CYTH3: variants seen among roughly 807,000 people sequenced by gnomAD.
CYTH3 encodes the protein cytohesin 3.
CYTH3 carries 23 observed loss-of-function variants against 55.1 expected under a neutral mutation model. The ratio of observed to expected loss-of-function variants is 0.42; its 90% CI spans 0.30 to 0.59. The LOEUF (loss-of-function observed/expected upper bound fraction) is 0.59. CYTH3 is among the 20% of genes least tolerant of loss of function. CYTH3 has a pLI of 0.20. For missense variants in CYTH3, 413 were observed against 524.8 expected, an observed-to-expected ratio of 0.79 and a Z score of 2.08; for synonymous variants, 249 against 194.9, an observed-to-expected ratio of 1.28 and a Z score of -2.31.
chr7:6,173,016 C>G, intron 6 of CYTH3: 2 of 1,076,852 alleles, frequency 1.9e-6, no homozygotes, highest in Non-Finnish European at 2.3e-6. Flanking sequence ...GTCCAAGGGC[C>G]GGCTGAGGCG....
At chr7:6,243,722 C>T (rs576861276) in intron 1 of CYTH3, among the ~76,000 whole-genome samples, 1 of 152,156 alleles carries the variant, frequency 6.6e-6, no homozygotes, top group Non-Finnish European at 1.5e-5. Flanking sequence ...TATCAACTTA[C>T]CCAATGAATT....
intron 1 of CYTH3, among the ~76,000 whole-genome samples, chr7:6,261,184 G>A (rs1229532351): frequency 1.3e-5 from 2 of 152,072 alleles, no homozygotes; most frequent in East Asian, 1.9e-4. Flanking sequence ...TGAGGGATTC[G>A]CCAATTCACA....
intron 1 of CYTH3, among the ~76,000 whole-genome samples, chr7:6,265,422 C>T (rs111478150): frequency 0.14 from 21,745 of 151,216 alleles, 1,921 homozygotes; most frequent in South Asian, 0.19. Context: ...ACCAGCCTGG[C>T]CAATATGGTG....
chr7:6,233,655 CAAAAAAAA>C (rs557639314), intron 1 of CYTH3, among the ~76,000 whole-genome samples: 1 of 79,632 alleles, frequency 1.3e-5, no homozygotes, highest in African/African-American at 3.4e-5. Context: ...GACTCCATCT[CAAAAAAAA>C]AAAAAAAAAA....
intron 1 of CYTH3, among the ~76,000 whole-genome samples, chr7:6,271,183 AG>A (rs1780641952): frequency 6.6e-6 from 1 of 152,128 alleles, no homozygotes; most frequent in South Asian, 2.1e-4. Flanking sequence ...TCGGTGCCAC[AG>A]TGCTACCCCT....
In CYTH3 at chr7:6,164,757, G is replaced by A. The variant is rs571834169; in HGVS notation, c.*187C>T. ...GGAGCAGCAGCTTGCACTGCAGGGC[G>A]ACCACCTCCCAGGACCCCAGCCACG... On this transcript the variant is annotated 3_prime_UTR_variant, in exon 13 of 13. Coordinates refer to ENST00000350796, the MANE Select transcript of CYTH3 (RefSeq NM_004227.4). The A allele has an allele frequency of 2.9e-4, 203 of 693,084 alleles. 2 individuals are homozygous for A. Among genetic ancestry groups the A allele is most frequent in the African/African-American group, 2.9e-3 (164 of 56,170 alleles). The allele number at this position is 693,084 out of a possible 1,614,324, so 42.9% of individuals were successfully genotyped here. A position where few individuals can be genotyped will look rare whatever the true frequency, so the allele number is the denominator to read the frequency against.
chr7:6,193,578 G>C (rs1783853707), intron 1 of CYTH3, among the ~76,000 whole-genome samples: 1 of 152,176 alleles, frequency 6.6e-6, no homozygotes, highest in African/African-American at 2.4e-5. Flanking sequence ...CAGTGGCGTA[G>C]ACCAAGTAAC....
chr7:6,190,564 G>A (rs1323823475), intron 1 of CYTH3, 33 bp from the exon 2 acceptor site: 4 of 1,478,890 alleles, frequency 2.7e-6, no homozygotes, highest in Non-Finnish European at 3.6e-6. Flanking sequence ...AACTACTTTG[G>A]AGAACACATT....
chr7:6,229,943 T>C (rs1449538126), intron 1 of CYTH3, among the ~76,000 whole-genome samples: 2 of 152,094 alleles, frequency 1.3e-5, no homozygotes, highest in Non-Finnish European at 2.9e-5. Flanking sequence ...GAGACCAGCC[T>C]AGCCAACATG....
chr7:6,176,908 A>G (rs1389400346), intron 5 of CYTH3, among the ~76,000 whole-genome samples: 1 of 152,172 alleles, frequency 6.6e-6, no homozygotes, highest in Non-Finnish European at 1.5e-5. Flanking sequence ...TAGCTTTTTA[A>G]GTGTTTTTAT....
intron 1 of CYTH3, among the ~76,000 whole-genome samples, chr7:6,197,986 C>G (rs1207995831): frequency 4.0e-5 from 6 of 150,548 alleles, no homozygotes. Context: ...CCCGGGTACT[C>G]AAGAGGCTGA....
intron 4 of CYTH3, among the ~76,000 whole-genome samples, chr7:6,181,111 A>G (rs757022116): frequency 2.0e-4 from 30 of 152,310 alleles, no homozygotes; most frequent in South Asian, 6.2e-4. Context: ...ATTTTTATCT[A>G]TCAACATCTA....
At chr7:6,232,299 C>T (rs978815263) in intron 1 of CYTH3, among the ~76,000 whole-genome samples, 1 of 152,140 alleles carries the variant, frequency 6.6e-6, no homozygotes, top group African/African-American at 2.4e-5. Context: ...AGAAGCACCC[C>T]GGGACACACT....
chr7:6,231,762 A>C (rs1779395914), intron 1 of CYTH3, among the ~76,000 whole-genome samples: 1 of 152,168 alleles, frequency 6.6e-6, no homozygotes, highest in South Asian at 2.1e-4. Context: ...ATTATCCCCC[A>C]AGTGGGGATC....
At chr7:6,250,816 C>A (rs1016363416) in intron 1 of CYTH3, among the ~76,000 whole-genome samples, 1 of 152,126 alleles carries the variant, frequency 6.6e-6, no homozygotes. Flanking sequence ...AAAAGGATGA[C>A]TATAATGGCA....
chr7:6,212,146 T>A (rs1784333164), intron 1 of CYTH3, among the ~76,000 whole-genome samples: 2 of 152,206 alleles, frequency 1.3e-5, no homozygotes, highest in Admixed American at 1.3e-4. Context: ...TTCAACCATT[T>A]TTTTTGAAGC....
chr7:6,192,157 G>C (rs1222499174), intron 1 of CYTH3, among the ~76,000 whole-genome samples: 1 of 152,120 alleles, frequency 6.6e-6, no homozygotes, highest in Non-Finnish European at 1.5e-5. Flanking sequence ...GAGTGAAGAA[G>C]AGCTGAGCCA....
chr7:6,184,130 G>A (rs559894116), intron 4 of CYTH3, among the ~76,000 whole-genome samples: 4 of 128,976 alleles, frequency 3.1e-5, no homozygotes, highest in South Asian at 2.5e-4. Flanking sequence ...GCGGAATCTC[G>A]GCTTACTGCA....
chr7:6,232,367 C>T (rs749401089), intron 1 of CYTH3, among the ~76,000 whole-genome samples: 1 of 152,152 alleles, frequency 6.6e-6, no homozygotes, highest in Non-Finnish European at 1.5e-5. Context: ...CTACCCGGCA[C>T]TCCCACTTCC....
Sources: allele counts gnomAD v4.1 joint callset (sites outside exome capture counted in the v4.1 genomes callset), GRCh38; gene constraint gnomAD v4.1.1; transcripts MANE v1.5; gene names NCBI Gene and HGNC (gene_info 2026-07-23, HGNC 2026-07-21).